PID1: variants seen among roughly 807,000 people sequenced by gnomAD.
PID1 encodes PTB-containing, cubilin and LRP1-interacting protein.
PID1 carries 10 observed loss-of-function variants against 19.1 expected under a neutral mutation model. The observed-to-expected ratio is 0.52, with a 90% CI of 0.32 to 0.89. The LOEUF (loss-of-function observed/expected upper bound fraction) is 0.89, where lower values mean the gene tolerates loss of function less well. PID1 is among the 40% of genes least tolerant of loss of function. PID1 has a pLI of 0.03. For missense variants in PID1, 248 were observed against 285.3 expected, an observed-to-expected ratio of 0.87 and a Z score of 0.94; for synonymous variants, 130 against 116.0, an observed-to-expected ratio of 1.12 and a Z score of -0.78.
chr2:229,139,053 GAAAGAGAAAGAAAGAAAGAA>G, intron 2 of PID1, among the ~76,000 whole-genome samples: 2 of 59,348 alleles, frequency 3.4e-5, no homozygotes, highest in Admixed American at 3.3e-4. Flanking sequence ...AAGAAAGAAA[GAAAGAGAAAGAAAGAAAGAA>G]AGAAAGAAAG....
intron 2 of PID1, among the ~76,000 whole-genome samples, chr2:229,069,188 G>A (rs1412371114): frequency 1.8e-5 from 2 of 109,516 alleles, no homozygotes; most frequent in East Asian, 5.2e-4. Context: ...TGAGATGAGG[G>A]AGCAAGTAGG....
intron 1 of PID1, among the ~76,000 whole-genome samples, chr2:229,179,473 G>C (rs1690892836): frequency 6.6e-6 from 1 of 151,996 alleles, no homozygotes; most frequent in Admixed American, 6.5e-5. Context: ...ACACCAAAAA[G>C]AAAGAGAGAA....
rs1691096350 is a variant in PID1 at position 229,185,077 on chromosome 2, T to TATATAG, written c.31-29114_31-29113insCTATAT. Among the ~76,000 whole-genome samples the TATATAG allele has an allele frequency of 3.1e-4, 42 of 137,696 alleles. 1 individual carries two copies. In the Admixed American group the frequency reaches 3.2e-3, roughly 10 times the overall value. The allele number at this position is 137,696 out of a possible 152,430, so 90.3% of individuals were successfully genotyped here. ...TATATATATCCTCCATATATATATATCCTACATATATATCCTATATATATC... is the reference window on the plus strand; with the variant it reads ...TATATATATCCTCCATATATATATATATATAGCCTACATATATATCCTATATATATC... On this transcript the variant is annotated intron_variant, in intron 1 of 2. Coordinates refer to ENST00000392055, the MANE Select transcript of PID1 (RefSeq NM_001100818.2).
At chr2:229,059,030 C>T (rs774818683) in intron 2 of PID1, among the ~76,000 whole-genome samples, 25 of 152,048 alleles carry the variant, frequency 1.6e-4, no homozygotes, top group African/African-American at 5.6e-4. Context: ...GAAGTTATTT[C>T]GAGATTCTTG....
chr2:229,220,596 A>G (rs1197071917), intron 1 of PID1, among the ~76,000 whole-genome samples: 1 of 152,138 alleles, frequency 6.6e-6, no homozygotes, highest in Non-Finnish European at 1.5e-5. Context: ...CTGGCAAACA[A>G]GGAGGTGATT....
chr2:229,062,629 G>A (rs34712269), intron 2 of PID1, among the ~76,000 whole-genome samples: 8,473 of 151,888 alleles, frequency 0.056, 331 homozygotes, highest in African/African-American at 0.11. Flanking sequence ...AGAATAGAAT[G>A]ATGATTAATG....
chr2:229,247,790 T>G (rs1690042649), intron 1 of PID1, among the ~76,000 whole-genome samples: 1 of 152,212 alleles, frequency 6.6e-6, no homozygotes, highest in Admixed American at 6.5e-5. Context: ...GCATAATGTC[T>G]TCTTCTTTAA....
intron 1 of PID1, chr2:229,228,116 G>C (rs1692122226): frequency 2.2e-6 from 1 of 449,318 alleles, no homozygotes; most frequent in African/African-American, 2.0e-5. Context: ...CCAAATCCAA[G>C]AGAATCGAGA....
intron 2 of PID1, among the ~76,000 whole-genome samples, chr2:229,044,201 G>A (rs1693829076): frequency 6.6e-6 from 1 of 151,854 alleles, no homozygotes; most frequent in Admixed American, 6.6e-5. Flanking sequence ...CCTTCTGTTG[G>A]GCTGGTGTAC....
chr2:229,173,719 A>C (rs1265233515), intron 1 of PID1, among the ~76,000 whole-genome samples: 1 of 152,172 alleles, frequency 6.6e-6, no homozygotes, highest in Non-Finnish European at 1.5e-5. Context: ...TGGTAGTATC[A>C]GTGCTCTTCC....
intron 1 of PID1, among the ~76,000 whole-genome samples, chr2:229,218,211 C>T (rs181434643): frequency 3.4e-4 from 45 of 131,534 alleles, no homozygotes; most frequent in African/African-American, 1.1e-3. Context: ...TGAACTAATA[C>T]AAAAGTTCAC....
intron 2 of PID1, among the ~76,000 whole-genome samples, chr2:229,107,230 C>T (rs1189073849): frequency 6.6e-6 from 1 of 152,158 alleles, no homozygotes; most frequent in Non-Finnish European, 1.5e-5. Context: ...CATCTGGCTT[C>T]CAGAATGGAG....
chr2:229,080,827 G>T (rs1452561123), intron 2 of PID1, among the ~76,000 whole-genome samples: 1 of 152,020 alleles, frequency 6.6e-6, no homozygotes, highest in Non-Finnish European at 1.5e-5. Flanking sequence ...CCATGAGAAG[G>T]TTCTCATGCA....
chr2:229,213,481 T>C (rs1282702855), intron 1 of PID1, among the ~76,000 whole-genome samples: 1 of 152,210 alleles, frequency 6.6e-6, no homozygotes, highest in Non-Finnish European at 1.5e-5. Flanking sequence ...AAACCTAGAC[T>C]TCAGAAAGCT....
At chr2:229,243,460 T>C (rs190333348) in intron 1 of PID1, among the ~76,000 whole-genome samples, 2 of 152,280 alleles carry the variant, frequency 1.3e-5, no homozygotes, top group East Asian at 1.9e-4. Context: ...GATTCTGCTG[T>C]ACTGTAATTA....
At chr2:229,105,218 G>T (rs951405799) in intron 2 of PID1, among the ~76,000 whole-genome samples, 1 of 152,210 alleles carries the variant, frequency 6.6e-6, no homozygotes, top group Non-Finnish European at 1.5e-5. Context: ...GAGCCAGGGA[G>T]ATTGGGGGCA....
chr2:229,259,851 G>T (rs1290664973), intron 1 of PID1, among the ~76,000 whole-genome samples: 2 of 152,116 alleles, frequency 1.3e-5, no homozygotes, highest in Non-Finnish European at 1.5e-5. Flanking sequence ...AGGCCTAAGA[G>T]AGCTCATCCA....
intron 1 of PID1, among the ~76,000 whole-genome samples, chr2:229,223,776 T>C (rs1158508206): frequency 2.0e-5 from 3 of 152,174 alleles, no homozygotes; most frequent in Non-Finnish European, 4.4e-5. Context: ...GGACAAACAC[T>C]CTCTATTTTT....
chr2:229,142,681 A>C (rs1438294746), intron 2 of PID1, among the ~76,000 whole-genome samples: 1 of 152,204 alleles, frequency 6.6e-6, no homozygotes, highest in Non-Finnish European at 1.5e-5. Context: ...GCAATCATTA[A>C]AAAGTCAGGA....
Sources: gnomAD v4.1 joint callset for allele counts (sites outside exome capture counted in the v4.1 genomes callset) on GRCh38, gnomAD v4.1.1 for gene constraint, MANE v1.5 for transcripts, NCBI Gene and HGNC (gene_info 2026-07-23, HGNC 2026-07-21) for gene names.